Variants in TNR observed in about 807,000 individuals in gnomAD.
TNR encodes the protein tenascin R.
TNR carries 45 observed loss-of-function variants against 150.4 expected under a neutral mutation model. The ratio of observed to expected loss-of-function variants is 0.30; its 90% CI spans 0.24 to 0.38. The LOEUF (loss-of-function observed/expected upper bound fraction) is 0.38, where lower values mean the gene tolerates loss of function less well. Ranked by LOEUF, TNR falls within the 10% of genes least tolerant of loss-of-function variation. The probability of loss-of-function intolerance (pLI) is 1.00; values close to 1 mark genes in which losing one functional copy is unlikely to be tolerated. For missense variants in TNR, 1,544 were observed against 1,759.1 expected (o/e 0.88, Z 2.19); for synonymous variants, 687 against 678.4 (o/e 1.01, Z -0.20).
At chr1:175,550,503 C>A (rs75588651) in intron 1 of TNR, among the ~76,000 whole-genome samples, 1 of 151,984 alleles carries the variant, frequency 6.6e-6, no homozygotes, top group Non-Finnish European at 1.5e-5. Context: ...CCCCTCACCC[C>A]CCATCCTTTT....
At chr1:175,551,130 C>G (rs1457487051) in intron 1 of TNR, among the ~76,000 whole-genome samples, 1 of 152,138 alleles carries the variant, frequency 6.6e-6, no homozygotes, top group Non-Finnish European at 1.5e-5. Context: ...TATGGAGGAT[C>G]TCATTAGAAA....
intron 1 of TNR, among the ~76,000 whole-genome samples, chr1:175,649,585 C>T (rs1383202398): frequency 6.6e-6 from 1 of 152,160 alleles, no homozygotes; most frequent in Non-Finnish European, 1.5e-5. Flanking sequence ...GGGCCCAATA[C>T]AAGAGTGACC....
chr1:175,370,338 C>CTTTTTATTTTTTTTTTTTTTTTT (rs1652040278), intron 9 of TNR, among the ~76,000 whole-genome samples: 1 of 42,926 alleles, frequency 2.3e-5, no homozygotes, highest in African/African-American at 8.5e-5. Flanking sequence ...ATTTTGAGTA[C>CTTTTTATTTTTTTTTTTTTTTTT]TTTTTTTTTT....
chr1:175,414,957 G>A (rs1296031654), intron 2 of TNR, among the ~76,000 whole-genome samples: 1 of 151,284 alleles, frequency 6.6e-6, no homozygotes, highest in African/African-American at 2.4e-5. Context: ...AAAAAAAAAG[G>A]TGCAGGAGGG....
At chr1:175,459,886 AG>A (rs1656739960) in intron 2 of TNR, among the ~76,000 whole-genome samples, 2 of 152,162 alleles carry the variant, frequency 1.3e-5, no homozygotes, top group East Asian at 1.9e-4. Context: ...AGAGAGAGAG[AG>A]AGAGTAGAAA....
At chr1:175,653,283 G>T (rs766952834) in intron 1 of TNR, among the ~76,000 whole-genome samples, 1 of 152,230 alleles carries the variant, frequency 6.6e-6, no homozygotes, top group Non-Finnish European at 1.5e-5. Flanking sequence ...TGATTAAAAC[G>T]TAGCCAACGC....
At chr1:175,408,129 C>T (rs778681537) in intron 2 of TNR, among the ~76,000 whole-genome samples, 12 of 152,152 alleles carry the variant, frequency 7.9e-5, no homozygotes, top group Non-Finnish European at 1.8e-4. Flanking sequence ...CATGCTAGAC[C>T]GTGGGTTTCC....
intron 2 of TNR, among the ~76,000 whole-genome samples, chr1:175,522,029 A>G (rs925223353): frequency 3.9e-5 from 6 of 152,274 alleles, no homozygotes; most frequent in Non-Finnish European, 7.3e-5. Context: ...AAATTACTCA[A>G]CAAAGACTTG....
chr1:175,646,557 C>G (rs2101885196), intron 1 of TNR, among the ~76,000 whole-genome samples: 2 of 152,304 alleles, frequency 1.3e-5, no homozygotes, highest in Middle Eastern at 6.8e-3. Flanking sequence ...TAATCCTCTA[C>G]TGATTAACTT....
chr1:175,557,070 C>T (rs916630785), intron 1 of TNR, among the ~76,000 whole-genome samples: 4 of 152,170 alleles, frequency 2.6e-5, no homozygotes, highest in African/African-American at 9.7e-5. Flanking sequence ...GCCCAATAAT[C>T]AGGAATTGAA....
chr1:175,698,800 AAT>A (rs1666604439), intron 1 of TNR, among the ~76,000 whole-genome samples: 1 of 151,694 alleles, frequency 6.6e-6, no homozygotes, highest in Non-Finnish European at 1.5e-5. Flanking sequence ...ACGCCTGGGC[AAT>A]AAAAGTAAGA....
chr1:175,500,299 G>A (rs1658677684), intron 2 of TNR, among the ~76,000 whole-genome samples: 1 of 152,148 alleles, frequency 6.6e-6, no homozygotes, highest in Non-Finnish European at 1.5e-5. Flanking sequence ...GCTAAAAAGT[G>A]GAGCTCAGGC....
At chr1:175,717,335 A>G (rs746622215) in intron 1 of TNR, among the ~76,000 whole-genome samples, 17 of 152,156 alleles carry the variant, frequency 1.1e-4, no homozygotes, top group Non-Finnish European at 2.1e-4. Flanking sequence ...ACTATTGGGT[A>G]CTATGCTCAG....
chr1:175,584,498 C>G (rs1186426510), intron 1 of TNR, among the ~76,000 whole-genome samples: 1 of 152,130 alleles, frequency 6.6e-6, no homozygotes, highest in Non-Finnish European at 1.5e-5. Flanking sequence ...TTTTAGCCAT[C>G]CAGTTTTTGA....
chr1:175,601,627 A>T (rs920232838), intron 1 of TNR, among the ~76,000 whole-genome samples: 2 of 152,236 alleles, frequency 1.3e-5, no homozygotes, highest in African/African-American at 4.8e-5. Flanking sequence ...AAAACGCTAT[A>T]TACAGTCAAG....
chr1:175,687,009 A>G (rs1269371584), intron 1 of TNR, among the ~76,000 whole-genome samples: 2 of 152,196 alleles, frequency 1.3e-5, no homozygotes, highest in Non-Finnish European at 2.9e-5. Context: ...GATACCCAGT[A>G]GTGGGATTGC....
Position 175,402,740 on chromosome 1 carries a change from GACAATTT to G in TNR, c.976+393_976+399del, listed in dbSNP as rs1423105414. On this transcript the variant is annotated intron_variant, in intron 4 of 22. Coordinates refer to ENST00000367674, the MANE Select transcript of TNR (RefSeq NM_003285.3). ...CTGGAATATGGCAACTGGTGAGGGA[GACAATTT>G]TGAGCAGGTGGAACGCTTGGGATCC... Among the ~76,000 whole-genome samples the G allele has an allele frequency of 2.0e-5, 3 of 152,302 alleles. No homozygotes were observed. The South Asian group carries it at 6.2e-4, about 32-fold the overall frequency.
intron 2 of TNR, among the ~76,000 whole-genome samples, chr1:175,407,236 G>A (rs957610311): frequency 3.3e-5 from 5 of 152,128 alleles, no homozygotes. Context: ...ATAACTTCAT[G>A]AGCTCCTCTC....
rs200819640 is a variant in TNR at position 175,396,669 on chromosome 1, C to T, written c.1115G>A (p.Arg372Gln). The T allele has an allele frequency of 1.2e-4, 190 of 1,614,216 alleles. No individual in the cohort carries two copies. The highest frequency in any genetic ancestry group is 1.5e-4 in the Non-Finnish European group (176 of 1,180,054). Residue 372 changes from arginine (R) to glutamine (Q), a missense_variant, in exon 5 of 23, where the codon CGG becomes CAG. Around this residue, in one of 2 missense-constraint regions of TNR, gnomAD observed 1,254 missense variants for 1,329.4 expected, o/e 0.94. Coordinates refer to ENST00000367674, the MANE Select transcript of TNR (RefSeq NM_003285.3). Reference sequence around the variant, plus strand: ...GACACCACTCCAATCTCCAGGCACCCGCTGCTGGAGCTGGAGGCCCCCCAG... The same window carrying T: ...GACACCACTCCAATCTCCAGGCACCTGCTGCTGGAGCTGGAGGCCCCCCAG... ...TALGGLQLQQ[R>Q]VPGDWSGVTI... is the part of the protein sequence containing the mutation.
Sources: allele counts gnomAD v4.1 joint callset (sites outside exome capture counted in the v4.1 genomes callset), GRCh38; gene constraint gnomAD v4.1.1; regional missense constraint gnomAD v4.1.1; transcripts MANE v1.5; gene names NCBI Gene and HGNC (gene_info 2026-07-23, HGNC 2026-07-21).